The following CAP2 variants were observed in gnomAD, a reference collection of about 807,000 sequenced individuals.
CAP2 encodes cyclase associated actin cytoskeleton regulatory protein 2, also known as adenylyl cyclase-associated protein 2.
Under a neutral mutation model 57.7 loss-of-function variants are expected in CAP2, and 24 were observed. That is an observed-to-expected ratio of 0.42 (90% confidence interval 0.30 to 0.58). CAP2 has a LOEUF of 0.58. CAP2 is among the 20% of genes least tolerant of loss of function. The pLI is 0.22. For missense variants in CAP2, 501 were observed against 590.3 expected (o/e 0.85, Z 1.57); for synonymous variants, 194 against 207.2 (o/e 0.94, Z 0.55).
intron 3 of CAP2, among the ~76,000 whole-genome samples, chr6:17,454,879 A>G (rs1760513287): frequency 6.6e-6 from 1 of 152,198 alleles, no homozygotes; most frequent in Admixed American, 6.5e-5. Context: ...TTCAGCTTTG[A>G]CACTTGGGCA....
intron 7 of CAP2, among the ~76,000 whole-genome samples, chr6:17,522,888 G>A (rs1257802572): frequency 6.6e-6 from 1 of 152,152 alleles, no homozygotes; most frequent in Non-Finnish European, 1.5e-5. Flanking sequence ...TCCGCATTCT[G>A]GGTTCAGGTG....
chr6:17,449,785 T>G (rs1197065819), intron 3 of CAP2, among the ~76,000 whole-genome samples: 1 of 152,212 alleles, frequency 6.6e-6, no homozygotes, highest in Non-Finnish European at 1.5e-5. Flanking sequence ...TGGCAAGTGG[T>G]CCCTAATATT....
chr6:17,551,314 C>T (rs1209338753), intron 11 of CAP2, 150 bp from the exon 12 acceptor site: 4 of 571,966 alleles, frequency 7.0e-6, no homozygotes, highest in East Asian at 2.9e-5. Context: ...AAGACTTTGC[C>T]ATTAACTCAC....
At chr6:17,536,288 C>T (rs955641294) in intron 7 of CAP2, 5 of 456,568 alleles carry the variant, frequency 1.1e-5, no homozygotes, top group South Asian at 1.5e-5. Context: ...GGGCAGCTCA[C>T]GGAGATCCAG....
rs543799678 is a variant in CAP2 at position 17,533,506 on chromosome 6, C to A, written c.637-5763C>A. ...TTTTCGGCGTTGTGCTGTGTTCTTG[C>A]AACAGAAGTGAACTTTTGTACTCTG... On this transcript the variant is annotated intron_variant, in intron 7 of 12. Transcript: ENST00000229922. Among the ~76,000 whole-genome samples, 45 of 151,796 alleles carry A rather than the reference C, an allele frequency of 3.0e-4. 1 individual carries two copies. Among genetic ancestry groups the A allele is most frequent in the Non-Finnish European group, 5.9e-4 (40 of 67,984 alleles).
rs569584940 is a variant in CAP2, at chr6:17,518,842, T to C, written c.636+4888T>C. ...TTGTAGAGACAGAGTTTTGCCATGTTGCCCAGGGTGGTCTAGAACGCCTCA... is the reference window on the plus strand; with the variant it reads ...TTGTAGAGACAGAGTTTTGCCATGTCGCCCAGGGTGGTCTAGAACGCCTCA... On this transcript the variant is annotated intron_variant, in intron 7 of 12. Transcript: ENST00000229922. 2.0e-5 allele frequency among the ~76,000 whole-genome samples: 3 copies of C among 152,214 alleles called. No individual in the cohort carries two copies. In the South Asian group the frequency reaches 6.2e-4, roughly 32 times the overall value.
intron 3 of CAP2, among the ~76,000 whole-genome samples, chr6:17,443,870 C>T (rs1760165525): frequency 6.6e-6 from 1 of 152,172 alleles, no homozygotes; most frequent in African/African-American, 2.4e-5. Flanking sequence ...TACATACACA[C>T]ACATATGTTA....
intron 4 of CAP2, among the ~76,000 whole-genome samples, chr6:17,505,197 T>A (rs913997057): frequency 6.6e-6 from 1 of 152,202 alleles, no homozygotes; most frequent in Non-Finnish European, 1.5e-5. Flanking sequence ...AGTAATTTGC[T>A]CAAGGCCCCA....
At chr6:17,547,669 G>A (rs1005557986) in intron 11 of CAP2, among the ~76,000 whole-genome samples, 29 of 151,754 alleles carry the variant, frequency 1.9e-4, no homozygotes, top group South Asian at 1.0e-3. Context: ...GTGAAACCCT[G>A]TCTCTACTAA....
intron 3 of CAP2, among the ~76,000 whole-genome samples, chr6:17,438,539 T>C (rs1462181842): frequency 7.5e-6 from 1 of 133,836 alleles, no homozygotes; most frequent in African/African-American, 2.9e-5. Context: ...CTCAGGTTCA[T>C]GCCATTCTCC....
chr6:17,512,113 G>C (rs897456980), intron 6 of CAP2, among the ~76,000 whole-genome samples: 2 of 152,034 alleles, frequency 1.3e-5, no homozygotes, highest in Non-Finnish European at 2.9e-5. Flanking sequence ...TACTGAATCA[G>C]ACATGGTGGC....
intron 4 of CAP2, among the ~76,000 whole-genome samples, chr6:17,463,353 G>A (rs1760780920): frequency 6.6e-6 from 1 of 150,820 alleles, no homozygotes; most frequent in Admixed American, 6.6e-5. Context: ...ATATCATTAT[G>A]GCCAAATTCT....
Position 17,401,568 on chromosome 6 carries a change from T to G in CAP2, c.-2+7822T>G, listed in dbSNP as rs114555077. 7.2e-3 allele frequency among the ~76,000 whole-genome samples: 1,099 copies of G among 152,266 alleles called. 11 individuals are homozygous for G. The highest frequency in any genetic ancestry group is 0.024 in the African/African-American group (980 of 41,550). On this transcript the variant is annotated intron_variant, in intron 1 of 12. Transcript: ENST00000229922. ...CAGGAAAACCAAATGTCTGGCCTAA[T>G]GAGTTAGGTTGATTGATGGACAGTT...
chr6:17,404,855 C>A (rs1165364112), intron 1 of CAP2, among the ~76,000 whole-genome samples: 3 of 151,458 alleles, frequency 2.0e-5, no homozygotes, highest in Non-Finnish European at 4.4e-5. Context: ...TTATTTATTT[C>A]TTTGTAGGCA....
intron 12 of CAP2, among the ~76,000 whole-genome samples, chr6:17,552,189 C>G (rs1763185674): frequency 6.6e-6 from 1 of 152,214 alleles, no homozygotes; most frequent in African/African-American, 2.4e-5. Context: ...GCCTAAAAGA[C>G]TTGGCCACTA....
intron 3 of CAP2, among the ~76,000 whole-genome samples, chr6:17,461,550 T>A (rs1359488292): frequency 2.0e-5 from 3 of 150,942 alleles, no homozygotes; most frequent in South Asian, 2.1e-4. Context: ...TTTCTGCATT[T>A]AAAAAAAAAC....
At chr6:17,535,270 A>G (rs1421348300) in intron 7 of CAP2, among the ~76,000 whole-genome samples, 1 of 149,500 alleles carries the variant, frequency 6.7e-6, no homozygotes, top group Non-Finnish European at 1.5e-5. Context: ...AATTTGGCTA[A>G]TGACTTTTTT....
chr6:17,461,159 A>G (rs532064261), intron 3 of CAP2, among the ~76,000 whole-genome samples: 1 of 149,762 alleles, frequency 6.7e-6, no homozygotes, highest in Non-Finnish European at 1.5e-5. Flanking sequence ...TAAAACAAAC[A>G]GACAAAAAAA....
At chr6:17,518,318 A>G (rs1011937764) in intron 7 of CAP2, among the ~76,000 whole-genome samples, 5 of 152,216 alleles carry the variant, frequency 3.3e-5, no homozygotes, top group African/African-American at 1.2e-4. Context: ...AAAGATTCCA[A>G]AGCATAGTCC....
Sources: allele counts gnomAD v4.1 joint callset (sites outside exome capture counted in the v4.1 genomes callset), GRCh38; gene constraint gnomAD v4.1.1; transcripts MANE v1.5; gene names NCBI Gene and HGNC (gene_info 2026-07-23, HGNC 2026-07-21).